SCAP: variants seen among roughly 807,000 people sequenced by gnomAD.
The protein encoded by SCAP is SREBF chaperone, also known as sterol regulatory element-binding protein cleavage-activating protein.
Under a neutral mutation model 123.6 loss-of-function variants are expected in SCAP, and 65 were observed. That is an observed-to-expected ratio of 0.53 (90% CI 0.43 to 0.65). The LOEUF is 0.65. Ranked by LOEUF, SCAP falls within the 30% of genes least tolerant of loss-of-function variation. SCAP has a pLI of 0.00. For missense variants in SCAP, 1,398 were observed against 1,712.5 expected, an observed-to-expected ratio of 0.82 and a Z score of 3.24; for synonymous variants, 740 against 726.3, an observed-to-expected ratio of 1.02 and a Z score of -0.30.
At chr3:47,476,409 C>CA (rs886573079), upstream of SCAP, among the ~76,000 whole-genome samples, 2 of 151,854 alleles carry the variant, frequency 1.3e-5, no homozygotes, top group African/African-American at 2.4e-5. Context: ...CACAGTGAGA[C>CA]AAAAAACAAA....
chr3:47,430,124 A>G (rs1302580953), intron 3 of SCAP, among the ~76,000 whole-genome samples: 1 of 152,188 alleles, frequency 6.6e-6, no homozygotes, highest in Non-Finnish European at 1.5e-5. Flanking sequence ...GATTAGCAGA[A>G]ATATTAACAA....
At chr3:47,414,470 G>A (rs1705470128) in intron 21 of SCAP, 84 bp from the exon 22 acceptor site, 6 of 1,596,894 alleles carry the variant, frequency 3.8e-6, no homozygotes, top group Middle Eastern at 3.3e-4. Context: ...AGTGGGTGGG[G>A]CCCTGACTGC....
In SCAP at chr3:47,426,221, G is replaced by A. The variant is rs761311468; in HGVS notation, c.738-52C>T. 3.8e-6 allele frequency: 6 copies of A among 1,565,014 alleles called. No homozygotes were observed. The South Asian group carries it at 7.0e-5, about 18-fold the overall frequency. ...ATGGAAGTGTTGCTCTTGGTTCTGGGGACAAAGACAATCCCCGGACAGAGG... is the reference window on the plus strand; with the variant it reads ...ATGGAAGTGTTGCTCTTGGTTCTGGAGACAAAGACAATCCCCGGACAGAGG... On this transcript the variant is annotated intron_variant, in intron 6 of 22. Transcript: ENST00000265565.
In SCAP at chr3:47,435,050, G is replaced by A. The variant is rs1311183581; in HGVS notation, c.210C>T (p.Asp70=). 6.2e-7 allele frequency: 1 copy of A among 1,614,166 alleles called. No homozygotes were observed. The highest frequency in any genetic ancestry group is 8.5e-7 in the Non-Finnish European group (1 of 1,180,012). Residue 70 remains aspartate, a synonymous_variant, in exon 3 of 23, where the codon GAC becomes GAT. Coordinates refer to ENST00000265565, the MANE Select transcript of SCAP (RefSeq NM_012235.4). ...TAGGCTCTCCTTGTTTGCGGTCAGAGTCCACAGGTGGGGGCGAGTAATCCT... is the reference window on the plus strand; with the variant it reads ...TAGGCTCTCCTTGTTTGCGGTCAGAATCCACAGGTGGGGGCGAGTAATCCT... The part of the protein sequence containing the change: ...PVKDYSPPPV[D]SDRKQGEPTE...
At chr3:47,446,637 A>C (rs1012716458) in intron 1 of SCAP, among the ~76,000 whole-genome samples, 1 of 151,930 alleles carries the variant, frequency 6.6e-6, no homozygotes, top group East Asian at 1.9e-4. Context: ...TTGTAGTTTC[A>C]CATTTGTTTA....
At position 47,420,523 on chromosome 3, in the gene SCAP, GAGGGCAGGGC is replaced by G. The variant is rs745741259; in HGVS notation, c.1563+21_1563+30del. The G allele has an allele frequency of 4.5e-6, 7 of 1,552,500 alleles. No homozygotes were observed. Among genetic ancestry groups the G allele is most frequent in the Non-Finnish European group, 6.1e-6 (7 of 1,146,834 alleles). ...GGCCTGGAGCACCGGCCCTCCAGAA[GAGGGCAGGGC>G]AGGGCAGGGGTGGCAGGTACCATGA... On this transcript the variant is annotated intron_variant, in intron 12 of 22. Coordinates refer to ENST00000265565, the MANE Select transcript of SCAP (RefSeq NM_012235.4). This position sits in a 1 kb window ranked among gnomAD's most constrained non-coding sequence, Gnocchi z 5.0.
chr3:47,429,078 A>C, intron 3 of SCAP: 1 of 185,420 alleles, frequency 5.4e-6, no homozygotes, highest in Non-Finnish European at 1.1e-5. Flanking sequence ...CCTTCCTTCC[A>C]TCAATCATCT....
chr3:47,438,262 T>A (rs1706662354), intron 2 of SCAP, among the ~76,000 whole-genome samples: 1 of 152,218 alleles, frequency 6.6e-6, no homozygotes, highest in Non-Finnish European at 1.5e-5. Context: ...CACAATCTCC[T>A]TACCTTCACA....
At position 47,418,315 on chromosome 3, in the gene SCAP, G is replaced by A; in HGVS notation, c.2331+6C>T. The A allele has an allele frequency of 6.4e-7, 1 of 1,558,352 alleles. No individual in the cohort carries two copies. The highest frequency in any genetic ancestry group is 2.4e-5 in the East Asian group (1 of 41,428). On this transcript the variant is annotated splice_donor_region_variant and intron_variant, in intron 15 of 22. Coordinates refer to ENST00000265565, the MANE Select transcript of SCAP (RefSeq NM_012235.4). Reference sequence around the variant, plus strand: ...TCCCCTACCCGGCCACTGTGCCCCTGCTCACCATGAGGTGGCCGCGCAGCA... The same window carrying A: ...TCCCCTACCCGGCCACTGTGCCCCTACTCACCATGAGGTGGCCGCGCAGCA...
At chr3:47,455,824 T>C (rs1413064050) in intron 1 of SCAP, among the ~76,000 whole-genome samples, 2 of 151,968 alleles carry the variant, frequency 1.3e-5, no homozygotes, top group Non-Finnish European at 2.9e-5. Context: ...AAAACAAATA[T>C]AACCAAGAAA....
At chr3:47,423,762 G>A (rs1049373748) in intron 9 of SCAP, among the ~76,000 whole-genome samples, 171 bp downstream of exon 9, 1 of 152,190 alleles carries the variant, frequency 6.6e-6, no homozygotes, top group Non-Finnish European at 1.5e-5. Flanking sequence ...GCTCCCCAGG[G>A]CACACACTCA....
chr3:47,445,065 C>CCCAG (rs1244581334), intron 1 of SCAP, among the ~76,000 whole-genome samples: 1 of 152,088 alleles, frequency 6.6e-6, no homozygotes, highest in African/African-American at 2.4e-5. Context: ...AGGCACCGAG[C>CCCAG]CCAGCCACTT....
chr3:47,454,152 G>C (rs1248087152), intron 1 of SCAP, among the ~76,000 whole-genome samples: 1 of 152,104 alleles, frequency 6.6e-6, no homozygotes, highest in Non-Finnish European at 1.5e-5. Flanking sequence ...CGGATCACAA[G>C]GTCAGGAGAT....
intron 2 of SCAP, among the ~76,000 whole-genome samples, chr3:47,440,733 G>A (rs924408566): frequency 2.0e-5 from 3 of 152,088 alleles, no homozygotes; most frequent in African/African-American, 7.2e-5. Flanking sequence ...AGTGGTGCAC[G>A]CCTATAGTCC....
Position 47,414,668 on chromosome 3 carries a change from G to A in SCAP, c.3307-16C>T. Reference sequence around the variant, plus strand: ...GACGGAACACCTGGGACAGGGATGGGCCTCAGGTTCTGGTCTCTGGGATTT... The same window carrying A: ...GACGGAACACCTGGGACAGGGATGGACCTCAGGTTCTGGTCTCTGGGATTT... On this transcript the variant is annotated splice_polypyrimidine_tract_variant and intron_variant, in intron 20 of 22. Transcript: ENST00000265565. The A allele has an allele frequency of 6.2e-7, 1 of 1,613,174 alleles. No individual in the cohort carries two copies. The highest frequency in any genetic ancestry group is 2.2e-5 in the East Asian group (1 of 44,892).
intron 1 of SCAP, among the ~76,000 whole-genome samples, chr3:47,454,196 T>C (rs1487720531): frequency 1.3e-5 from 2 of 151,848 alleles, no homozygotes; most frequent in Non-Finnish European, 2.9e-5. Flanking sequence ...TGAAACCCTG[T>C]CTCTACTAAA....
chr3:47,416,862 G>A (rs535408255), intron 18 of SCAP, among the ~76,000 whole-genome samples: 5 of 151,862 alleles, frequency 3.3e-5, no homozygotes, highest in South Asian at 2.1e-4. Context: ...TCCTGACCTC[G>A]TGATCCGCCC....
chr3:47,424,601 C>T (rs906793572), intron 8 of SCAP, among the ~76,000 whole-genome samples: 4 of 152,172 alleles, frequency 2.6e-5, no homozygotes, highest in African/African-American at 4.8e-5. Context: ...AGTCTATGTG[C>T]GAGGAACGCC....
At chr3:47,438,053 G>A (rs1314575412) in intron 2 of SCAP, among the ~76,000 whole-genome samples, 2 of 152,142 alleles carry the variant, frequency 1.3e-5, no homozygotes. Flanking sequence ...TAACCATTTA[G>A]AGGAAGAGAC....
Sources: allele counts gnomAD v4.1 joint callset (sites outside exome capture counted in the v4.1 genomes callset), GRCh38; gene constraint gnomAD v4.1.1; non-coding constraint Gnocchi (gnomAD v3.1); transcripts MANE v1.5; gene names NCBI Gene and HGNC (gene_info 2026-07-23, HGNC 2026-07-21).